The following ULK4 variants were observed in gnomAD, a reference collection of about 807,000 sequenced individuals.
ULK4 encodes the protein inactive serine/threonine-protein kinase ULK4.
In ULK4, 133 loss-of-function variants were observed where a neutral mutation model predicts 160.6. The ratio of observed to expected loss-of-function variants is 0.83; its 90% confidence interval spans 0.72 to 0.96. The LOEUF (loss-of-function observed/expected upper bound fraction) is 0.96, where lower values mean the gene tolerates loss of function less well. ULK4 is among the 40% of genes least tolerant of loss of function. ULK4 has a pLI of 0.00. For missense variants in ULK4, 1,580 were observed against 1,499.5 expected (o/e 1.05, Z -0.89); for synonymous variants, 534 against 539.8 (o/e 0.99, Z 0.15).
intron 30 of ULK4, among the ~76,000 whole-genome samples, chr3:41,643,013 C>A (rs1414274469): frequency 6.6e-6 from 1 of 152,212 alleles, no homozygotes; most frequent in South Asian, 2.1e-4. Context: ...CTGTTCATAT[C>A]CTTCGCCCAG....
rs183568660 is a variant in ULK4, at chr3:41,705,443, A to T, written c.2635-138T>A. 9.2e-5 allele frequency: 42 copies of T among 455,322 alleles called. No homozygotes were observed. The East Asian group carries it at 1.4e-3, about 16-fold the overall frequency. The allele number at this position is 455,322 out of a possible 1,614,324, so 28.2% of individuals were successfully genotyped here. A position where few individuals can be genotyped will look rare whatever the true frequency, so the allele number is the denominator to read the frequency against. On this transcript the variant is annotated intron_variant, in intron 25 of 36. Transcript: ENST00000301831. Reference sequence around the variant, plus strand: ...CAGTATTAAATACTCTATACATATTATATTATTATAGTTACAAAAGTATAT... The same window carrying T: ...CAGTATTAAATACTCTATACATATTTTATTATTATAGTTACAAAAGTATAT...
chr3:41,280,455 T>G (rs2079328938), intron 35 of ULK4, among the ~76,000 whole-genome samples: 1 of 152,182 alleles, frequency 6.6e-6, no homozygotes, highest in African/African-American at 2.4e-5. Flanking sequence ...CACAATAAAC[T>G]GTCTCTCAGA....
chr3:41,597,300 A>T (rs1459107331), intron 31 of ULK4, among the ~76,000 whole-genome samples: 4 of 152,194 alleles, frequency 2.6e-5, no homozygotes, highest in African/African-American at 9.7e-5. Context: ...AACATGGCTC[A>T]GGGAGCTTCC....
At chr3:41,378,979 C>G (rs2081583991) in intron 35 of ULK4, among the ~76,000 whole-genome samples, 1 of 152,020 alleles carries the variant, frequency 6.6e-6, no homozygotes, top group Non-Finnish European at 1.5e-5. Flanking sequence ...ACTGCATGTT[C>G]TCACTCATTA....
chr3:41,581,050 T>C (rs1266202803), intron 31 of ULK4, among the ~76,000 whole-genome samples: 1 of 152,182 alleles, frequency 6.6e-6, no homozygotes, highest in Non-Finnish European at 1.5e-5. Flanking sequence ...ATACAAGTTT[T>C]AGCACAAGAC....
chr3:41,911,892 C>T (rs1698800112), intron 9 of ULK4, among the ~76,000 whole-genome samples: 1 of 152,184 alleles, frequency 6.6e-6, no homozygotes, highest in Non-Finnish European at 1.5e-5. Flanking sequence ...GTGGTACACA[C>T]CTGTAATCCC....
chr3:41,586,667 A>G (rs988620072), intron 31 of ULK4, among the ~76,000 whole-genome samples: 1 of 152,170 alleles, frequency 6.6e-6, no homozygotes, highest in Non-Finnish European at 1.5e-5. Flanking sequence ...GCCACAATAG[A>G]AAGATACTAA....
At chr3:41,477,103 G>C (rs940695139) in intron 32 of ULK4, among the ~76,000 whole-genome samples, 21 of 152,076 alleles carry the variant, frequency 1.4e-4, no homozygotes, top group Non-Finnish European at 2.5e-4. Context: ...ATCTCTAAAA[G>C]AAGCCAACAT....
intron 32 of ULK4, among the ~76,000 whole-genome samples, chr3:41,503,725 T>A (rs1267310959): frequency 6.6e-6 from 1 of 152,188 alleles, no homozygotes. Flanking sequence ...TGTTTTTGTC[T>A]TTTAAAAAAA....
intron 32 of ULK4, among the ~76,000 whole-genome samples, chr3:41,497,267 T>C (rs1037707153): frequency 7.2e-5 from 11 of 151,778 alleles, no homozygotes; most frequent in African/African-American, 2.7e-4. Flanking sequence ...AGACTAGAAA[T>C]GGCAGGAAAA....
chr3:41,762,693 C>G (rs1361510702), intron 21 of ULK4, among the ~76,000 whole-genome samples: 4 of 134,088 alleles, frequency 3.0e-5, no homozygotes, highest in Non-Finnish European at 6.2e-5. Context: ...GACAGAGTCT[C>G]GCTCTGTCGC....
chr3:41,663,091 G>T (rs552863050), intron 30 of ULK4, among the ~76,000 whole-genome samples: 71 of 151,690 alleles, frequency 4.7e-4, no homozygotes, highest in African/African-American at 1.7e-3. Flanking sequence ...CATGGCGGCG[G>T]GCACCTGTAA....
intron 30 of ULK4, among the ~76,000 whole-genome samples, chr3:41,619,460 A>G (rs1192510452): frequency 6.6e-6 from 1 of 152,238 alleles, no homozygotes; most frequent in East Asian, 1.9e-4. Flanking sequence ...CAGGATTAAG[A>G]AATTCACTCA....
chr3:41,505,176 A>G (rs867640005), intron 32 of ULK4, among the ~76,000 whole-genome samples: 8 of 152,212 alleles, frequency 5.3e-5, no homozygotes, highest in Admixed American at 2.0e-4. Flanking sequence ...AAAAGCGTAC[A>G]TAAGTGTGCA....
intron 29 of ULK4, among the ~76,000 whole-genome samples, chr3:41,669,576 A>C (rs2371624): frequency 0.088 from 13,348 of 152,220 alleles, 1,206 homozygotes; most frequent in African/African-American, 0.23. Flanking sequence ...TATGAATTTT[A>C]ACACAGAAAT....
intron 35 of ULK4, among the ~76,000 whole-genome samples, chr3:41,265,402 A>G (rs1182353564): frequency 6.6e-6 from 1 of 152,188 alleles, no homozygotes; most frequent in African/African-American, 2.4e-5. Flanking sequence ...AAACTCAGTC[A>G]TTTGCTCTGT....
At chr3:41,918,054 G>T (rs1226353943) in intron 7 of ULK4, among the ~76,000 whole-genome samples, 1 of 151,864 alleles carries the variant, frequency 6.6e-6, no homozygotes, top group African/African-American at 2.4e-5. Context: ...AAACTTATAA[G>T]GGTAGCATTC....
At chr3:41,870,561 G>A (rs1222645511) in intron 17 of ULK4, among the ~76,000 whole-genome samples, 4 of 152,194 alleles carry the variant, frequency 2.6e-5, no homozygotes. Flanking sequence ...AGAAAAAGCA[G>A]TACAGAGAAG....
Position 41,715,297 on chromosome 3 carries a change from T to G in ULK4, c.2578-4A>C. ...TCACAACTTGAGGTCGAAATACCTG[T>G]GTGATGAGAGTTTCTACAGATTAAA... On this transcript the variant is annotated splice_polypyrimidine_tract_variant and splice_region_variant and intron_variant, in intron 24 of 36. Coordinates refer to ENST00000301831, the MANE Select transcript of ULK4 (RefSeq NM_017886.4). 2 of 1,613,846 alleles carry G rather than the reference T, an allele frequency of 1.2e-6. No homozygotes were observed. The highest frequency in any genetic ancestry group is 1.7e-6 in the Non-Finnish European group (2 of 1,179,988).
Sources: gnomAD v4.1 joint callset for allele counts (sites outside exome capture counted in the v4.1 genomes callset) on GRCh38, gnomAD v4.1.1 for gene constraint, MANE v1.5 for transcripts, NCBI Gene and HGNC (gene_info 2026-07-23, HGNC 2026-07-21) for gene names.